Variants in FAM120C observed in about 807,000 individuals in gnomAD.
The protein encoded by FAM120C is family with sequence similarity 120 member C.
FAM120C carries 14 observed loss-of-function variants against 71.2 expected under a neutral mutation model. The ratio of observed to expected loss-of-function variants is 0.20; its 90% CI spans 0.13 to 0.31. The LOEUF (loss-of-function observed/expected upper bound fraction) is 0.31. Among genes scored for constraint, FAM120C ranks in the 10% least tolerant of loss-of-function variants. FAM120C has a pLI of 1.00. For synonymous variants in FAM120C, 354 were observed against 353.2 expected (o/e 1.00, Z -0.03); for missense variants, 500 against 879.0 (o/e 0.57, Z 5.45).
At chrX:54,145,620 A>C (rs1442627774) in intron 4 of FAM120C, among the ~76,000 whole-genome samples, 4 of 112,198 alleles carry the variant, frequency 3.6e-5, no homozygotes, top group Non-Finnish European at 7.5e-5. Context: ...CCATCTCACA[A>C]CAGTTAGAAT....
At chrX:54,180,209 C>A (rs975044706) in intron 1 of FAM120C, among the ~76,000 whole-genome samples, 1 of 112,002 alleles carries the variant, frequency 8.9e-6, no homozygotes, top group Non-Finnish European at 1.9e-5. Flanking sequence ...CTGCCAACCT[C>A]CAATCAAAAT....
chrX:54,150,107 A>G, intron 4 of FAM120C, among the ~76,000 whole-genome samples: 1 of 111,534 alleles, frequency 9.0e-6, no homozygotes, highest in Middle Eastern at 4.6e-3. Context: ...TTATGTTAAG[A>G]TACACAGATG....
chrX:54,091,854 A>G (rs782053481), intron 10 of FAM120C, among the ~76,000 whole-genome samples: 7 of 111,525 alleles, frequency 6.3e-5, no homozygotes, highest in Non-Finnish European at 1.3e-4. Flanking sequence ...GTTCAGCACA[A>G]TGCACCAGCT....
chrX:54,111,406 G>A (rs1426464414), intron 10 of FAM120C, among the ~76,000 whole-genome samples: 1 of 110,662 alleles, frequency 9.0e-6, no homozygotes, highest in Non-Finnish European at 1.9e-5. Flanking sequence ...TCCTCCAAAA[G>A]ACTCCTAGAT....
chrX:54,095,244 G>A (rs980783381), intron 10 of FAM120C, among the ~76,000 whole-genome samples: 2 of 110,600 alleles, frequency 1.8e-5, no homozygotes, highest in African/African-American at 6.6e-5. Context: ...TCATACATAC[G>A]AAAATCTGCT....
chrX:54,083,105 C>T (rs1436337603), intron 13 of FAM120C, among the ~76,000 whole-genome samples: 2 of 104,820 alleles, frequency 1.9e-5, no homozygotes, highest in South Asian at 4.3e-4. Flanking sequence ...GGTGACAGAG[C>T]GAGATTCCAT....
intron 10 of FAM120C, among the ~76,000 whole-genome samples, chrX:54,100,217 C>T (rs1603353734): frequency 9.2e-6 from 1 of 108,671 alleles, no homozygotes; most frequent in African/African-American, 3.4e-5. Context: ...ATGGGTTGGG[C>T]GCGGTGGCTC....
At chrX:54,111,730 A>C (rs1384800737) in intron 10 of FAM120C, among the ~76,000 whole-genome samples, 1 of 112,349 alleles carries the variant, frequency 8.9e-6, no homozygotes, top group Non-Finnish European at 1.9e-5. Flanking sequence ...CTACAGATTA[A>C]ATGTAATTCC....
chrX:54,079,584 G>T (rs886810852), intron 15 of FAM120C, among the ~76,000 whole-genome samples: 1 of 112,263 alleles, frequency 8.9e-6, no homozygotes, highest in South Asian at 3.7e-4. Flanking sequence ...GATTGCCTGA[G>T]GTCGGGAGTT....
chrX:54,161,361 C>T (rs1236621864), intron 1 of FAM120C, among the ~76,000 whole-genome samples: 1 of 111,517 alleles, frequency 9.0e-6, no homozygotes, highest in Non-Finnish European at 1.9e-5. Context: ...TCAGAGCTAT[C>T]GAGCTGGGAA....
At position 54,068,632 on chromosome X, in the gene FAM120C, G is replaced by A. The variant is rs1769186840; in HGVS notation, c.*4401C>T. Reference sequence around the variant, plus strand: ...ACTAAACACACTGTCAAAAGCACAGGAGAGGAGATAGTAATACAGGAAAAA... The same window carrying A: ...ACTAAACACACTGTCAAAAGCACAGAAGAGGAGATAGTAATACAGGAAAAA... On this transcript the variant is annotated 3_prime_UTR_variant, in exon 16 of 16. Coordinates refer to ENST00000375180, the MANE Select transcript of FAM120C (RefSeq NM_017848.6). 9.0e-6 allele frequency: 1 copy of A among 111,583 alleles called. No homozygotes were observed. Among genetic ancestry groups the A allele is most frequent in the African/African-American group, 3.3e-5 (1 of 30,702 alleles). 9.2% of individuals were successfully genotyped at this position (111,583 alleles called of 1,213,427 possible).
Position 54,073,051 on chromosome X carries a change from T to A in FAM120C, c.3273A>T (p.Ala1091=), listed in dbSNP as rs2066717785. 2.5e-6 allele frequency: 3 copies of A among 1,204,100 alleles called. No individual in the cohort carries two copies. Among genetic ancestry groups the A allele is most frequent in the South Asian group, 3.6e-5 (2 of 55,799 alleles). The change falls in exon 16 of 16, where the codon GCA becomes GCT. Residue 1091 remains alanine (A), a synonymous_variant. Coordinates refer to ENST00000375180, the MANE Select transcript of FAM120C (RefSeq NM_017848.6). ...HLQEQKLETV[A]QRKED ...CAGCTTATCAGTCCTCTTTCCGTTG[T>A]GCCACAGTTTCTAGCTTTTGCTCTT...
At chrX:54,074,637 G>A (rs183001071) in intron 15 of FAM120C, among the ~76,000 whole-genome samples, 9 of 112,026 alleles carry the variant, frequency 8.0e-5, no homozygotes, top group Non-Finnish European at 1.7e-4. Context: ...GGCTGGTCTC[G>A]AATTCCCGAC....
rs782115793 is a variant in FAM120C at position 54,081,492 on chromosome X, C to G, written c.2840-32G>C. Reference sequence around the variant, plus strand: ...AGATAGAAAGAATGGTGGTAATGGGCCAGGTGTGGTGGTTCACGCCTGTAA... The same window carrying G: ...AGATAGAAAGAATGGTGGTAATGGGGCAGGTGTGGTGGTTCACGCCTGTAA... On this transcript the variant is annotated intron_variant, in intron 13 of 15. Coordinates refer to ENST00000375180, the MANE Select transcript of FAM120C (RefSeq NM_017848.6). 3.4e-6 allele frequency: 4 copies of G among 1,188,488 alleles called. No homozygotes were observed. In the Admixed American group the frequency reaches 9.1e-5, roughly 27 times the overall value.
intron 10 of FAM120C, among the ~76,000 whole-genome samples, chrX:54,104,353 CAGTT>C (rs1438614644): frequency 8.9e-6 from 1 of 112,055 alleles, no homozygotes; most frequent in Non-Finnish European, 1.9e-5. Flanking sequence ...TCCTAGCACT[CAGTT>C]AGGCTATAAC....
At chrX:54,131,588 G>A (rs1257870144) in intron 9 of FAM120C, among the ~76,000 whole-genome samples, 1 of 110,690 alleles carries the variant, frequency 9.0e-6, no homozygotes, top group African/African-American at 3.3e-5. Context: ...ACAGGCATGC[G>A]CCACCATGCC....
At chrX:54,152,390 T>C (rs1412493228) in intron 3 of FAM120C, among the ~76,000 whole-genome samples, 1 of 111,576 alleles carries the variant, frequency 9.0e-6, no homozygotes, top group Non-Finnish European at 1.9e-5. Context: ...CCCGAGCAGC[T>C]GGGATTACAG....
intron 4 of FAM120C, among the ~76,000 whole-genome samples, chrX:54,148,923 T>G (rs781986971): frequency 8.9e-6 from 1 of 111,924 alleles, no homozygotes; most frequent in East Asian, 2.8e-4. Flanking sequence ...CAAAACACGT[T>G]GTATGCAATA....
intron 13 of FAM120C, among the ~76,000 whole-genome samples, chrX:54,084,187 C>T (rs1032564669): frequency 1.8e-5 from 2 of 111,761 alleles, no homozygotes; most frequent in Admixed American, 9.7e-5. Flanking sequence ...TAAATTAAGG[C>T]TGTCTTTTGA....
Sources: gnomAD v4.1 joint callset for allele counts (sites outside exome capture counted in the v4.1 genomes callset) on GRCh38, gnomAD v4.1.1 for gene constraint, MANE v1.5 for transcripts, NCBI Gene and HGNC (gene_info 2026-07-23, HGNC 2026-07-21) for gene names.